BRIP1: variants seen among roughly 807,000 people sequenced by gnomAD.
BRIP1 encodes Fanconi anemia group J protein.
BRIP1 carries 88 observed loss-of-function variants against 119.7 expected under a neutral mutation model. That is an observed-to-expected ratio of 0.74 (90% CI 0.62 to 0.88). The LOEUF is 0.88. Ranked by LOEUF, BRIP1 falls within the 40% of genes least tolerant of loss-of-function variation. The pLI is 0.00. For missense variants in BRIP1, 1,259 were observed against 1,455.4 expected (o/e 0.87, Z 2.20); for synonymous variants, 443 against 496.5 (o/e 0.89, Z 1.43).
At position 61,701,616 on chromosome 17, in the gene BRIP1, C is replaced by A. The variant is rs1324052708; in HGVS notation, c.2493-8104G>T. Among the ~76,000 whole-genome samples, 2 of 152,330 alleles carry A rather than the reference C, an allele frequency of 1.3e-5. No homozygotes were observed. Among genetic ancestry groups the A allele is most frequent in the East Asian group, 3.9e-4 (2 of 5,188 alleles). ...ATCACTGGTCACATGCACTCTCCTA[C>A]ACATATGCATGGCCCACTAAAATCC... is the stretch of plus-strand genomic sequence containing the variant. On this transcript the variant is annotated intron_variant, in intron 17 of 19. Coordinates refer to ENST00000259008, the MANE Select transcript of BRIP1 (RefSeq NM_032043.3). The surrounding 1 kb of genome is among the most constrained non-coding windows in gnomAD (Gnocchi z 5.1).
chr17:61,849,482 T>TA (rs2078786089), intron 4 of BRIP1, among the ~76,000 whole-genome samples: 1 of 152,132 alleles, frequency 6.6e-6, no homozygotes, highest in Admixed American at 6.6e-5. Context: ...TTTGATTTTT[T>TA]AAATCGCCTT....
At chr17:61,830,353 C>G (rs898059857) in intron 6 of BRIP1, among the ~76,000 whole-genome samples, 6 of 136,962 alleles carry the variant, frequency 4.4e-5, no homozygotes, top group Non-Finnish European at 8.0e-5. Flanking sequence ...AACAGAAAGT[C>G]AACAAAAACT....
At chr17:61,732,444 A>C (rs1328547905) in intron 16 of BRIP1, among the ~76,000 whole-genome samples, 1 of 152,118 alleles carries the variant, frequency 6.6e-6, no homozygotes, top group Admixed American at 6.5e-5. Flanking sequence ...AGTCAAAGTA[A>C]ATTGGTATCT....
rs560860275 is a variant in BRIP1 at position 61,778,695 on chromosome 17, T to A, written c.1935+1566A>T. Among the ~76,000 whole-genome samples the A allele has an allele frequency of 1.3e-5, 2 of 152,302 alleles. No homozygotes were observed. The highest frequency in any genetic ancestry group is 3.9e-4 in the East Asian group (2 of 5,184). On this transcript the variant is annotated intron_variant, in intron 13 of 19. Transcript: ENST00000259008. The surrounding 1 kb of genome is among the most constrained non-coding windows in gnomAD (Gnocchi z 4.4). ...TACCAACTTCCCATATTTATCTGTG[T>A]CTCTAAAGAAAGCAACTTGAAAACG...
intron 18 of BRIP1, among the ~76,000 whole-genome samples, chr17:61,692,633 A>C (rs576996095): frequency 7.3e-4 from 111 of 152,318 alleles, no homozygotes; most frequent in Admixed American, 2.1e-3. Flanking sequence ...TCATCAGAGA[A>C]ATGCAAATCA....
rs1203741989 is a variant in BRIP1, at chr17:61,775,429, A to G, written c.2097+972T>C. Among the ~76,000 whole-genome samples, 1 of 152,156 alleles carries G rather than the reference A, an allele frequency of 6.6e-6. No individual in the cohort carries two copies. The highest frequency in any genetic ancestry group is 2.4e-5 in the African/African-American group (1 of 41,446). On this transcript the variant is annotated intron_variant, in intron 14 of 19. Transcript: ENST00000259008. The surrounding 1 kb of genome is among the most constrained non-coding windows in gnomAD (Gnocchi z 4.4). ...AAAGTATCAATATTGTCATTCAAATATATTACTTCCAAATGCTTCTGTCCT... is the reference window on the plus strand; with the variant it reads ...AAAGTATCAATATTGTCATTCAAATGTATTACTTCCAAATGCTTCTGTCCT...
rs2077180378 is a variant in BRIP1, at chr17:61,754,915, A to G, written c.2098-10324T>C. Among the ~76,000 whole-genome samples the G allele has an allele frequency of 6.6e-6, 1 of 152,178 alleles. No individual in the cohort carries two copies. Among genetic ancestry groups the G allele is most frequent in the African/African-American group, 2.4e-5 (1 of 41,438 alleles). ...CCGCAATTACTTCCTTAGAGGCCCC[A>G]TCTCCAAATATAACCACACTGGGGG... On this transcript the variant is annotated intron_variant, in intron 14 of 19. Coordinates refer to ENST00000259008, the MANE Select transcript of BRIP1 (RefSeq NM_032043.3). The surrounding 1 kb of genome is among the most constrained non-coding windows in gnomAD (Gnocchi z 4.1).
rs536893296 is a variant in BRIP1, at chr17:61,803,365, A to G, written c.919-1891T>C. On this transcript the variant is annotated intron_variant, in intron 7 of 19. Transcript: ENST00000259008. This position sits in a 1 kb window ranked among gnomAD's most constrained non-coding sequence, Gnocchi z 4.3. ...TCCCAAAGTGCTGGGGATTACAGGC[A>G]TGAGCCACTGCACTCCACCCCATTC... Among the ~76,000 whole-genome samples the G allele has an allele frequency of 6.6e-6, 1 of 152,250 alleles. No homozygotes were observed. Among genetic ancestry groups the G allele is most frequent in the South Asian group, 2.1e-4 (1 of 4,828 alleles).
Position 61,857,183 on chromosome 17 carries a change from G to A in BRIP1, c.254C>T (p.Ser85Leu), listed in dbSNP as rs587781830. 9.9e-6 allele frequency: 16 copies of A among 1,613,990 alleles called. No individual in the cohort carries two copies. Among genetic ancestry groups the A allele is most frequent in the Non-Finnish European group, 1.2e-5 (14 of 1,179,970 alleles). Reference sequence around the variant, plus strand: ...CTTTGAATGGCATGCACAACAACATGACAATTGTACTTCAGCTTTTTCACT... The same window carrying A: ...CTTTGAATGGCATGCACAACAACATAACAATTGTACTTCAGCTTTTTCACT... Reference protein sequence around the residue: ...GVSEKAEVQLSCCCACHSKDF... With the variant: ...GVSEKAEVQLLCCCACHSKDF... Residue 85 changes from serine to leucine, a missense_variant, in exon 4 of 20, where the codon TCA becomes TTA. Ser to Leu is a moderately radical substitution (Grantham distance 145, BLOSUM62 -2). This residue lies in a region of BRIP1 where 501 missense variants were observed against 544.0 expected (regional missense o/e 0.92). Transcript: ENST00000259008. This position sits in a 1 kb window ranked among gnomAD's most constrained non-coding sequence, Gnocchi z 5.1.
Position 61,857,013 on chromosome 17 carries a change from ACT to A in BRIP1, c.379+43_379+44del, listed in dbSNP as rs769822397. The A allele has an allele frequency of 9.7e-6, 15 of 1,540,202 alleles. No homozygotes were observed. The Admixed American group carries it at 2.5e-4, about 26-fold the overall frequency. On this transcript the variant is annotated intron_variant, in intron 4 of 19. Coordinates refer to ENST00000259008, the MANE Select transcript of BRIP1 (RefSeq NM_032043.3). The surrounding 1 kb of genome is among the most constrained non-coding windows in gnomAD (Gnocchi z 5.1). ...AGGGCTTATAACAGTAATAATTAAG[ACT>A]CTTATTACAGATATCAACTGACCCA... is the stretch of plus-strand genomic sequence containing the variant.
chr17:61,807,523 AAG>A lies in BRIP1; in HGVS notation c.918+942_918+943del, dbSNP rs1210159087. Among the ~76,000 whole-genome samples, 1 of 152,146 alleles carries A rather than the reference AAG, an allele frequency of 6.6e-6. No individual in the cohort carries two copies. The highest frequency in any genetic ancestry group is 6.6e-5 in the Admixed American group (1 of 15,264). On this transcript the variant is annotated intron_variant, in intron 7 of 19. Coordinates refer to ENST00000259008, the MANE Select transcript of BRIP1 (RefSeq NM_032043.3). The surrounding 1 kb of genome is among the most constrained non-coding windows in gnomAD (Gnocchi z 4.5). ...AGTTTAAATAAATTTTCATCTATAAAAGAGAGTATTAAGGAAGAAAAGCATAA... is the reference window on the plus strand; with the variant it reads ...AGTTTAAATAAATTTTCATCTATAAAAGAGTATTAAGGAAGAAAAGCATAA...
chr17:61,742,975 C>T lies in BRIP1; in HGVS notation c.2379+38G>A. ...AATTAACTTTATACAAAACCAATGA[C>T]TCCTGTAATAATAAAACTTAAGGTT... On this transcript the variant is annotated intron_variant, in intron 16 of 19. Coordinates refer to ENST00000259008, the MANE Select transcript of BRIP1 (RefSeq NM_032043.3). This position sits in a 1 kb window ranked among gnomAD's most constrained non-coding sequence, Gnocchi z 4.7. The T allele has an allele frequency of 6.2e-7, 1 of 1,610,112 alleles. No individual in the cohort carries two copies. The highest frequency in any genetic ancestry group is 1.1e-5 in the South Asian group (1 of 90,910).
Position 61,724,140 on chromosome 17 carries a change from CTGACA to C in BRIP1, c.2380-8082_2380-8078del, listed in dbSNP as rs1438227055. 2.6e-5 allele frequency among the ~76,000 whole-genome samples: 4 copies of C among 152,008 alleles called. No homozygotes were observed. The highest frequency in any genetic ancestry group is 4.4e-5 in the Non-Finnish European group (3 of 67,974). On this transcript the variant is annotated intron_variant, in intron 16 of 19. Transcript: ENST00000259008. This position sits in a 1 kb window ranked among gnomAD's most constrained non-coding sequence, Gnocchi z 5.1. The stretch of plus-strand genomic sequence containing the variant: ...ATATCTGCATCAAAATCTAACCTAA[CTGACA>C]TAAGTAGAAATAAGATCCTCAATAT...
At chr17:61,688,066 A>G (rs1567733449) in intron 18 of BRIP1, among the ~76,000 whole-genome samples, 1 of 152,188 alleles carries the variant, frequency 6.6e-6, no homozygotes, top group Non-Finnish European at 1.5e-5. Flanking sequence ...AAAAGCCTGG[A>G]GTGTGCATCC....
In BRIP1 at chr17:61,803,090, T is replaced by C. The variant is rs1248548141; in HGVS notation, c.919-1616A>G. ...GTTATCTACTAATGCCCTTTGCCAT[T>C]CTATTACCTTTTTTTTTTTCAGAGA... On this transcript the variant is annotated intron_variant, in intron 7 of 19. Transcript: ENST00000259008. The surrounding 1 kb of genome is among the most constrained non-coding windows in gnomAD (Gnocchi z 4.3). Among the ~76,000 whole-genome samples the C allele has an allele frequency of 8.3e-6, 1 of 120,072 alleles. No individual in the cohort carries two copies. Among genetic ancestry groups the C allele is most frequent in the Non-Finnish European group, 1.7e-5 (1 of 60,110 alleles). 78.8% of individuals were successfully genotyped at this position (120,072 alleles called of 152,430 possible).
intron 6 of BRIP1, among the ~76,000 whole-genome samples, chr17:61,821,301 A>C (rs1376028185): frequency 6.6e-6 from 1 of 152,148 alleles, no homozygotes; most frequent in Non-Finnish European, 1.5e-5. Context: ...TGTGGGAAGG[A>C]GAGGTACTTT....
chr17:61,830,915 C>A (rs1396621252), intron 6 of BRIP1, among the ~76,000 whole-genome samples: 1 of 152,098 alleles, frequency 6.6e-6, no homozygotes, highest in Non-Finnish European at 1.5e-5. Context: ...TAAAATGGGT[C>A]CTATACCATG....
chr17:61,792,597 T>C (rs916466784), intron 10 of BRIP1, among the ~76,000 whole-genome samples: 5 of 152,168 alleles, frequency 3.3e-5, no homozygotes, highest in African/African-American at 1.2e-4. Flanking sequence ...TTCAACTATA[T>C]GGCATTCCAG....
At position 61,683,853 on chromosome 17, in the gene BRIP1, C is replaced by T. The variant is rs1490736110; in HGVS notation, c.3193G>A (p.Gly1065Arg). The T allele has an allele frequency of 6.2e-7, 1 of 1,613,996 alleles. No homozygotes were observed. The highest frequency in any genetic ancestry group is 8.5e-7 in the Non-Finnish European group (1 of 1,180,014). The change falls in exon 20 of 20, where the codon GGA becomes AGA. Residue 1065 changes from glycine to arginine, a missense_variant. Physicochemically the swap from Gly to Arg is moderately radical, Grantham distance 125 (BLOSUM62 -2). Transcript: ENST00000259008. The surrounding 1 kb of genome is among the most constrained non-coding windows in gnomAD (Gnocchi z 4.7). Reference protein sequence around the residue: ...SSNLTVNTSFGSCPQSETIIS... With the variant: ...SSNLTVNTSFRSCPQSETIIS... ...ATGGTTTCTGATTGAGGGCATGATC[C>T]AAACGATGTGTTTACTGTCAGATTT...
Sources: allele counts gnomAD v4.1 joint callset (sites outside exome capture counted in the v4.1 genomes callset), GRCh38; gene constraint gnomAD v4.1.1; regional missense constraint gnomAD v4.1.1; non-coding constraint Gnocchi (gnomAD v3.1); transcripts MANE v1.5; gene names NCBI Gene and HGNC (gene_info 2026-07-23, HGNC 2026-07-21).